Variants in CD300A observed in about 807,000 individuals in gnomAD.
CD300A encodes CMRF35-like molecule 8.
CD300A carries 22 observed loss-of-function variants against 33.6 expected under a neutral mutation model. The ratio of observed to expected loss-of-function variants is 0.66; its 90% CI spans 0.47 to 0.94. The LOEUF (loss-of-function observed/expected upper bound fraction) is 0.94. Ranked by LOEUF, CD300A falls within the 40% of genes least tolerant of loss-of-function variation. The probability of loss-of-function intolerance (pLI) is 0.00; values close to 1 mark genes in which losing one functional copy is unlikely to be tolerated. For synonymous variants in CD300A, 136 were observed against 148.1 expected (o/e 0.92, Z 0.59); for missense variants, 326 against 360.5 (o/e 0.90, Z 0.77).
rs377134558 is a variant in CD300A at position 74,474,550 on chromosome 17, C to T, written c.398C>T (p.Pro133Leu). 2.7e-5 allele frequency: 44 copies of T among 1,614,002 alleles called. No homozygotes were observed. Among genetic ancestry groups the T allele is most frequent in the Non-Finnish European group, 3.5e-5 (41 of 1,179,984 alleles). ...CCACCAGCATCAACGTCAATGACAC[C>T]TGCAAGTATCACTGCGGCCAAGACC... ...SVFPASTSMT[P>L]ASITAAKTST... The change falls in exon 3 of 7, where the codon CCT becomes CTT. Residue 133 changes from proline to leucine, a missense_variant. Coordinates refer to ENST00000360141, the MANE Select transcript of CD300A (RefSeq NM_007261.4).
chr17:74,466,597 C>T (rs1459962339), upstream of CD300A: 12 of 1,264,676 alleles, frequency 9.5e-6, no homozygotes, highest in Admixed American at 6.2e-5. Context: ...GGAAGCAGCG[C>T]GGCACCAAGA....
Position 74,480,808 on chromosome 17 carries a change from C to T in CD300A, c.629-481C>T, listed in dbSNP as rs78855911. On this transcript the variant is annotated intron_variant, in intron 4 of 6. Coordinates refer to ENST00000360141, the MANE Select transcript of CD300A (RefSeq NM_007261.4). This position sits in a 1 kb window ranked among gnomAD's most constrained non-coding sequence, Gnocchi z 4.2. ...TGTTGCCCAGGCTGGAGTGCAGTGGCATGATCTCAGCTCACTGCAACCTCC... is the reference window on the plus strand; with the variant it reads ...TGTTGCCCAGGCTGGAGTGCAGTGGTATGATCTCAGCTCACTGCAACCTCC... Among the ~76,000 whole-genome samples the T allele has an allele frequency of 3.3e-5, 5 of 152,132 alleles. No homozygotes were observed. The highest frequency in any genetic ancestry group is 5.9e-5 in the Non-Finnish European group (4 of 68,020).
chr17:74,476,810 T>C (rs528865610), intron 3 of CD300A, among the ~76,000 whole-genome samples: 2 of 152,194 alleles, frequency 1.3e-5, no homozygotes, highest in Admixed American at 6.5e-5. Context: ...GACTTCTTTA[T>C]GTACTGACGT....
intron 1 of CD300A, among the ~76,000 whole-genome samples, chr17:74,470,527 G>A (rs1906030268): frequency 6.6e-6 from 1 of 152,164 alleles, no homozygotes; most frequent in African/African-American, 2.4e-5. Context: ...ACTGAGGTCA[G>A]GAGAGAAGCC....
chr17:74,483,085 C>T (rs752890360), intron 6 of CD300A, among the ~76,000 whole-genome samples: 20 of 152,148 alleles, frequency 1.3e-4, no homozygotes, highest in Non-Finnish European at 2.9e-4. Context: ...CTTGTGTCCA[C>T]GAAGCTGCAT....
Position 74,477,523 on chromosome 17 carries a change from G to C in CD300A, c.621G>C (p.Trp207Cys). The C allele has an allele frequency of 6.2e-7, 1 of 1,612,792 alleles. No homozygotes were observed. The highest frequency in any genetic ancestry group is 8.5e-7 in the Non-Finnish European group (1 of 1,179,568). The change falls in exon 4 of 7, where the codon TGG becomes TGC. Residue 207 changes from tryptophan (W) to cysteine (C), a missense_variant. By Grantham distance (215) the Trp-to-Cys change is radical (BLOSUM62 -2). Coordinates refer to ENST00000360141, the MANE Select transcript of CD300A (RefSeq NM_007261.4). ...SLLAWRMFQKWIKAGDHSELS... is the reference protein window; with the variant it reads ...SLLAWRMFQKCIKAGDHSELS... ...TAGCCTGGAGGATGTTTCAGAAATG[G>C]ATCAAAGGTGAGTTGGCTCCCCACA...
At chr17:74,475,453 C>T (rs1906398997) in intron 3 of CD300A, among the ~76,000 whole-genome samples, 1 of 152,170 alleles carries the variant, frequency 6.6e-6, no homozygotes, top group Non-Finnish European at 1.5e-5. Context: ...CTACAAGAGG[C>T]TAAGGCTAAG....
chr17:74,466,907 C>A (rs1383400961), intron 1 of CD300A, 164 bp downstream of exon 1: 6 of 1,473,920 alleles, frequency 4.1e-6, no homozygotes, highest in Non-Finnish European at 1.8e-6. Flanking sequence ...TGAAGGTCCA[C>A]ACCCCTGGGA....
At position 74,484,047 on chromosome 17, in the gene CD300A, C is replaced by T. The variant is rs1179005813; in HGVS notation, c.821C>T (p.Ser274Phe). The T allele has an allele frequency of 1.9e-6, 3 of 1,614,092 alleles. No individual in the cohort carries two copies. The highest frequency in any genetic ancestry group is 3.3e-5 in the Admixed American group (2 of 60,014). The change falls in exon 7 of 7, where the codon TCT becomes TTT. Residue 274 changes from serine (S) to phenylalanine (F), a missense_variant. By Grantham distance (155) the Ser-to-Phe change is radical. Transcript: ENST00000360141. ...CACTATGCCTCGGTGGTGTTTGATT[C>T]TAACACCAACAGGATAGCTGCTCAG... ...ELHYASVVFD[S>F]NTNRIAAQRP... is the part of the protein sequence containing the mutation.
At chr17:74,466,913 T>C (rs72844383) in intron 1 of CD300A, 170 bp downstream of exon 1, 25,085 of 1,460,758 alleles carry the variant, frequency 0.017, 270 homozygotes, top group Admixed American at 0.037. Context: ...TCCACACCCC[T>C]GGGAGAGGAA....
At chr17:74,475,261 C>A (rs187698658) in intron 3 of CD300A, among the ~76,000 whole-genome samples, 38 of 152,230 alleles carry the variant, frequency 2.5e-4, no homozygotes, top group Admixed American at 7.2e-4. Flanking sequence ...CAGTATGGAG[C>A]AAACCACCCC....
At position 74,480,004 on chromosome 17, in the gene CD300A, C is replaced by A. The variant is rs76652315; in HGVS notation, c.629-1285C>A. On this transcript the variant is annotated intron_variant, in intron 4 of 6. Coordinates refer to ENST00000360141, the MANE Select transcript of CD300A (RefSeq NM_007261.4). The surrounding 1 kb of genome is among the most constrained non-coding windows in gnomAD (Gnocchi z 4.2). Reference sequence around the variant, plus strand: ...GAGCTTCCCCTACCGCTGGCTCCCCCAAACCTTCTCACTACCACCCTCCTT... The same window carrying A: ...GAGCTTCCCCTACCGCTGGCTCCCCAAAACCTTCTCACTACCACCCTCCTT... Among the ~76,000 whole-genome samples, 2 of 152,150 alleles carry A rather than the reference C, an allele frequency of 1.3e-5. No individual in the cohort carries two copies. The highest frequency in any genetic ancestry group is 4.1e-4 in the South Asian group (2 of 4,824).
chr17:74,473,440 C>A lies in CD300A; in HGVS notation c.41-96C>A, dbSNP rs562876691. Reference sequence around the variant, plus strand: ...AAGGCCTCTCTGCCTGCCGCTGCCTCCTCCACACCCCCAGGGTCCATGCGG... The same window carrying A: ...AAGGCCTCTCTGCCTGCCGCTGCCTACTCCACACCCCCAGGGTCCATGCGG... On this transcript the variant is annotated intron_variant, in intron 1 of 6. Transcript: ENST00000360141. 3.4e-6 allele frequency: 4 copies of A among 1,191,576 alleles called. No homozygotes were observed. In the African/African-American group the frequency reaches 6.1e-5, roughly 18 times the overall value. 73.8% of individuals were successfully genotyped at this position (1,191,576 alleles called of 1,614,324 possible). A position where few individuals can be genotyped will look rare whatever the true frequency, so the allele number is the denominator to read the frequency against.
chr17:74,474,745 G>T, intron 3 of CD300A, 60 bp downstream of exon 3: 1 of 1,572,138 alleles, frequency 6.4e-7, no homozygotes, highest in Non-Finnish European at 8.7e-7. Context: ...GGAGCCCAGG[G>T]CGGGGACCTT....
At chr17:74,466,576 A>T, upstream of CD300A, 1 of 1,090,570 alleles carries the variant, frequency 9.2e-7, no homozygotes, top group Non-Finnish European at 1.3e-6. Context: ...GAACCAAAAG[A>T]AGCTGAACAA....
chr17:74,484,291 T>A lies in CD300A; in HGVS notation c.*165T>A. On this transcript the variant is annotated 3_prime_UTR_variant, in exon 7 of 7. Transcript: ENST00000360141. The stretch of plus-strand genomic sequence containing the variant: ...ATCCCTCTGTTGCCATCAGCTTGAT[T>A]GGCTTCCCCGAGGGCCAGCAGGGCT... 1.4e-6 allele frequency: 1 copy of A among 699,942 alleles called. No homozygotes were observed. The allele number at this position is 699,942 out of a possible 1,614,324, so 43.4% of individuals were successfully genotyped here. A position where few individuals can be genotyped will look rare whatever the true frequency, so the allele number is the denominator to read the frequency against.
At position 74,484,108 on chromosome 17, in the gene CD300A, T is replaced by A; in HGVS notation, c.882T>A (p.Ser294Arg). ...PREEEPDSDYSVIRKT is the reference protein window; with the variant it reads ...PREEEPDSDYRVIRKT ...AGGAGGAACCAGATTCAGATTACAGTGTGATAAGGAAGACATAGGCTTTTG... is the reference window on the plus strand; with the variant it reads ...AGGAGGAACCAGATTCAGATTACAGAGTGATAAGGAAGACATAGGCTTTTG... The change falls in exon 7 of 7, where the codon AGT becomes AGA. Residue 294 changes from serine (S) to arginine (R), a missense_variant. Physicochemically the swap from Ser to Arg is moderately radical, Grantham distance 110. Coordinates refer to ENST00000360141, the MANE Select transcript of CD300A (RefSeq NM_007261.4). 1 of 1,613,786 alleles carries A rather than the reference T, an allele frequency of 6.2e-7. No individual in the cohort carries two copies.
chr17:74,467,009 G>A, intron 1 of CD300A: 1 of 1,362,354 alleles, frequency 7.3e-7, no homozygotes. Flanking sequence ...TGCAGAAAAG[G>A]GACCTTTTAG....
intron 3 of CD300A, among the ~76,000 whole-genome samples, chr17:74,476,313 C>T (rs1385678747): frequency 1.3e-5 from 2 of 152,208 alleles, no homozygotes; most frequent in Admixed American, 6.5e-5. Flanking sequence ...TAGAGCCTCC[C>T]TCCTAAGAGC....
Sources: gnomAD v4.1 joint callset for allele counts (sites outside exome capture counted in the v4.1 genomes callset) on GRCh38, gnomAD v4.1.1 for gene constraint, Gnocchi (gnomAD v3.1) non-coding constraint, MANE v1.5 for transcripts, NCBI Gene and HGNC (gene_info 2026-07-23, HGNC 2026-07-21) for gene names.